The following AHCYL1 variants were observed in gnomAD, a reference collection of about 807,000 sequenced individuals.
AHCYL1 encodes adenosylhomocysteinase like 1.
A neutral mutation model predicts 79.3 loss-of-function variants in AHCYL1; 20 were observed. The ratio of observed to expected loss-of-function variants is 0.25; its 90% CI spans 0.18 to 0.37. The LOEUF is 0.37. Ranked by LOEUF, AHCYL1 falls within the 10% of genes least tolerant of loss-of-function variation. The probability of loss-of-function intolerance (pLI) is 1.00; values close to 1 mark genes in which losing one functional copy is unlikely to be tolerated. For missense variants in AHCYL1, 330 were observed against 673.6 expected, an observed-to-expected ratio of 0.49 and a Z score of 5.65; for synonymous variants, 223 against 242.2, an observed-to-expected ratio of 0.92 and a Z score of 0.74.
intron 11 of AHCYL1, 81 bp downstream of exon 11, chr1:110,018,097 G>A: frequency 2.1e-6 from 3 of 1,414,904 alleles, no homozygotes; most frequent in Non-Finnish European, 3.0e-6. Flanking sequence ...CAAAGGAGGT[G>A]AGACCTCTGT....
intron 10 of AHCYL1, 113 bp downstream of exon 10, chr1:110,017,696 G>A: frequency 8.6e-7 from 1 of 1,165,894 alleles, no homozygotes; most frequent in South Asian, 1.4e-5. Flanking sequence ...GGAAGAGAAG[G>A]CTAGGACTGC....
intron 1 of AHCYL1, among the ~76,000 whole-genome samples, chr1:109,986,098 C>T (rs1270685388): frequency 6.6e-6 from 1 of 152,214 alleles, no homozygotes; most frequent in East Asian, 1.9e-4. Flanking sequence ...ACCTGGCACC[C>T]AGTTAGCAGT....
intron 5 of AHCYL1, among the ~76,000 whole-genome samples, chr1:110,014,351 A>G (rs887355354): frequency 5.9e-5 from 9 of 152,368 alleles, no homozygotes; most frequent in Non-Finnish European, 1.0e-4. Context: ...CATGTCACTG[A>G]AAACTTTGAC....
intron 1 of AHCYL1, among the ~76,000 whole-genome samples, chr1:109,990,138 C>T (rs953409964): frequency 3.3e-5 from 5 of 152,154 alleles, no homozygotes; most frequent in African/African-American, 1.2e-4. Context: ...CGTTTCTGTT[C>T]CTAAAACTGT....
At position 110,018,234 on chromosome 1, in the gene AHCYL1, G is replaced by A; in HGVS notation, c.1124-139G>A. The stretch of plus-strand genomic sequence containing the variant: ...TGAAGACCAGATAGCCTAAGGAGCG[G>A]TTATGCATGTCTTCTCTCAGAATGT... On this transcript the variant is annotated intron_variant, in intron 11 of 16. Transcript: ENST00000369799. The A allele has an allele frequency of 3.3e-6, 3 of 919,360 alleles. No individual in the cohort carries two copies. The South Asian group carries it at 4.8e-5, about 15-fold the overall frequency. The allele number at this position is 919,360 out of a possible 1,614,324, so 57.0% of individuals were successfully genotyped here. A position where few individuals can be genotyped will look rare whatever the true frequency, so the allele number is the denominator to read the frequency against.
chr1:110,004,583 CTG>C (rs1650527443), intron 1 of AHCYL1: 2 of 819,244 alleles, frequency 2.4e-6, no homozygotes, highest in South Asian at 1.1e-4. Flanking sequence ...TTATTGATAA[CTG>C]TTTCTTTGGG....
chr1:109,988,872 A>G (rs748853687), intron 1 of AHCYL1, among the ~76,000 whole-genome samples: 5 of 152,374 alleles, frequency 3.3e-5, no homozygotes, highest in East Asian at 1.9e-4. Flanking sequence ...TAGAGCCCCA[A>G]TGGGTACAGC....
intron 1 of AHCYL1, among the ~76,000 whole-genome samples, chr1:110,007,067 A>G (rs1382407942): frequency 1.3e-5 from 2 of 152,148 alleles, no homozygotes; most frequent in Non-Finnish European, 2.9e-5. Context: ...AATTATGACT[A>G]TTCGGTTTTT....
chr1:109,996,640 T>C (rs1274125295), intron 1 of AHCYL1, among the ~76,000 whole-genome samples: 4 of 152,218 alleles, frequency 2.6e-5, no homozygotes, highest in Non-Finnish European at 5.9e-5. Flanking sequence ...AATTTTGTTG[T>C]TGTGCAAACG....
chr1:110,014,690 G>GT, intron 5 of AHCYL1, 73 bp from the exon 6 acceptor site: 1 of 1,140,096 alleles, frequency 8.8e-7, no homozygotes, highest in Non-Finnish European at 1.3e-6. Context: ...CTCTTCACAT[G>GT]GATCTCAGAA....
chr1:109,989,711 C>G lies in AHCYL1; in HGVS notation c.120+4539C>G, dbSNP rs576682117. On this transcript the variant is annotated intron_variant, in intron 1 of 16. Coordinates refer to ENST00000369799, the MANE Select transcript of AHCYL1 (RefSeq NM_006621.7). ...GGCGAATAAAGGAGAATCATTTATA[C>G]GTACCTGTTTCTCAAGTTTGGGAAT... Among the ~76,000 whole-genome samples, 4 of 152,240 alleles carry G rather than the reference C, an allele frequency of 2.6e-5. No homozygotes were observed. The East Asian group carries it at 7.7e-4, about 29-fold the overall frequency.
chr1:110,003,422 A>G, intron 1 of AHCYL1, among the ~76,000 whole-genome samples: 1 of 152,056 alleles, frequency 6.6e-6, no homozygotes, highest in Non-Finnish European at 1.5e-5. Context: ...TTATTATACT[A>G]TGCTTTTGAA....
intron 1 of AHCYL1, among the ~76,000 whole-genome samples, chr1:109,992,404 G>T (rs1331363751): frequency 8.9e-6 from 1 of 111,890 alleles, no homozygotes; most frequent in Admixed American, 1.1e-4. Context: ...GCAAGACTCC[G>T]TCTCAAAAAA....
chr1:110,002,586 C>A (rs948913532), intron 1 of AHCYL1, among the ~76,000 whole-genome samples: 1 of 152,184 alleles, frequency 6.6e-6, no homozygotes, highest in Non-Finnish European at 1.5e-5. Context: ...CTATAACCTT[C>A]CCAATATAAT....
intron 7 of AHCYL1, among the ~76,000 whole-genome samples, chr1:110,015,779 G>T (rs1421860367): frequency 2.0e-5 from 3 of 152,132 alleles, no homozygotes; most frequent in African/African-American, 7.2e-5. Flanking sequence ...TGAGGGGCGG[G>T]TAGGGAATAA....
At chr1:109,999,170 G>C (rs1180595503) in intron 1 of AHCYL1, among the ~76,000 whole-genome samples, 1 of 151,128 alleles carries the variant, frequency 6.6e-6, no homozygotes, top group Non-Finnish European at 1.5e-5. Context: ...AAAAAAAAAA[G>C]TATTCAAGGT....
chr1:110,023,142 T>TA lies in AHCYL1; in HGVS notation c.*1463dup, dbSNP rs1651901313. 6.6e-6 allele frequency: 1 copy of TA among 152,628 alleles called. No homozygotes were observed. Among genetic ancestry groups the TA allele is most frequent in the South Asian group, 2.1e-4 (1 of 4,830 alleles). 9.5% of individuals were successfully genotyped at this position (152,628 alleles called of 1,614,324 possible). On this transcript the variant is annotated 3_prime_UTR_variant, in exon 17 of 17. Coordinates refer to ENST00000369799, the MANE Select transcript of AHCYL1 (RefSeq NM_006621.7). ...GATCCCTCAAAGTTGGGTCATACGT[T>TA]AGTGCTAGATACTAGAAATTTTCAC...
chr1:110,019,441 G>A, intron 14 of AHCYL1, 107 bp from the exon 15 acceptor site: 1 of 954,104 alleles, frequency 1.0e-6, no homozygotes, highest in African/African-American at 1.6e-5. Flanking sequence ...CTGTGACTGT[G>A]GTAGATCACT....
intron 1 of AHCYL1, among the ~76,000 whole-genome samples, chr1:110,008,399 A>G (rs1321085296): frequency 1.3e-5 from 2 of 152,146 alleles, no homozygotes; most frequent in Non-Finnish European, 2.9e-5. Flanking sequence ...ACTATAGTGT[A>G]TGTGGGTTTT....
Sources: gnomAD v4.1 joint callset for allele counts (sites outside exome capture counted in the v4.1 genomes callset) on GRCh38, gnomAD v4.1.1 for gene constraint, MANE v1.5 for transcripts, NCBI Gene and HGNC (gene_info 2026-07-23, HGNC 2026-07-21) for gene names.